Variants in CERKL observed in about 807,000 individuals in gnomAD.
CERKL encodes CERK like autophagy regulator, also known as ceramide kinase-like protein.
A neutral mutation model predicts 63.4 loss-of-function variants in CERKL; 61 were observed. The observed-to-expected ratio is 0.96, with a 90% confidence interval of 0.78 to 1.19. The LOEUF is 1.19. CERKL is among the 50% of genes most tolerant of loss of function. The probability of loss-of-function intolerance (pLI) is 0.00; values close to 1 mark genes in which losing one functional copy is unlikely to be tolerated. For synonymous variants in CERKL, 250 were observed against 230.5 expected (o/e 1.08, Z -0.77); for missense variants, 675 against 655.5 (o/e 1.03, Z -0.33).
At chr2:181,560,734 A>G (rs940578009) in intron 4 of CERKL, among the ~76,000 whole-genome samples, 2 of 152,150 alleles carry the variant, frequency 1.3e-5, no homozygotes, top group Admixed American at 6.6e-5. Context: ...AGAAGCTACA[A>G]TATTATTCAA....
intron 2 of CERKL, among the ~76,000 whole-genome samples, chr2:181,590,405 G>A (rs1232871649): frequency 6.6e-6 from 1 of 151,918 alleles, no homozygotes; most frequent in East Asian, 1.9e-4. Flanking sequence ...CTTCCAAAGT[G>A]CTGGAATTAC....
chr2:181,564,504 A>G (rs946980495), intron 4 of CERKL, among the ~76,000 whole-genome samples: 2 of 152,190 alleles, frequency 1.3e-5, no homozygotes, highest in Non-Finnish European at 2.9e-5. Flanking sequence ...TGAAAAATAA[A>G]TAAGGATTAA....
chr2:181,542,779 G>A (rs1374022758), intron 11 of CERKL, among the ~76,000 whole-genome samples: 2 of 152,078 alleles, frequency 1.3e-5, no homozygotes, highest in Non-Finnish European at 2.9e-5. Context: ...GATAAATCCT[G>A]CATAATATTA....
In CERKL at chr2:181,550,138, C is replaced by T. The variant is rs964129004; in HGVS notation, c.821-430G>A. Among the ~76,000 whole-genome samples, 2 of 152,160 alleles carry T rather than the reference C, an allele frequency of 1.3e-5. No homozygotes were observed. Among genetic ancestry groups the T allele is most frequent in the South Asian group, 2.1e-4 (1 of 4,818 alleles). On this transcript the variant is annotated intron_variant, in intron 5 of 12. Transcript: ENST00000410087. This position sits in a 1 kb window ranked among gnomAD's most constrained non-coding sequence, Gnocchi z 4.5. ...AAAGAGAAAATAATCCAAATAATAA[C>T]TCAGAAAAATAAAATAACTACAAAC...
chr2:181,656,552 G>A (rs1688163790), intron 1 of CERKL, among the ~76,000 whole-genome samples: 1 of 151,940 alleles, frequency 6.6e-6, no homozygotes, highest in Non-Finnish European at 1.5e-5. Context: ...AAGAATCCCT[G>A]GGGGTTCTGG....
At chr2:181,615,870 C>T (rs971558526) in intron 1 of CERKL, among the ~76,000 whole-genome samples, 1 of 152,122 alleles carries the variant, frequency 6.6e-6, no homozygotes, top group African/African-American at 2.4e-5. Flanking sequence ...AGAATTATGA[C>T]ATAACATTTA....
intron 1 of CERKL, 48 bp from the exon 2 acceptor site, chr2:181,604,127 G>A (rs1413321361): frequency 8.0e-6 from 12 of 1,500,872 alleles, no homozygotes; most frequent in Non-Finnish European, 1.0e-5. Context: ...GTTTCATAGA[G>A]AGGAACAACA....
intron 2 of CERKL, among the ~76,000 whole-genome samples, chr2:181,588,331 A>G (rs564435649): frequency 1.3e-5 from 2 of 152,192 alleles, no homozygotes; most frequent in East Asian, 3.9e-4. Context: ...AATTCCACAT[A>G]TAGGAAAGAT....
intron 2 of CERKL, among the ~76,000 whole-genome samples, chr2:181,595,941 G>A (rs1193470049): frequency 4.6e-5 from 7 of 152,246 alleles, no homozygotes; most frequent in African/African-American, 1.4e-4. Context: ...ATAAACATCA[G>A]CTATTATCAT....
Position 181,578,219 on chromosome 2 carries a change from T to TAC in CERKL, c.482-4336_482-4335insGT, listed in dbSNP as rs754974329. 2.5e-3 allele frequency among the ~76,000 whole-genome samples: 384 copies of TAC among 150,954 alleles called. 3 individuals carry two copies. The highest frequency in any genetic ancestry group is 0.013 in the Admixed American group (190 of 15,130). On this transcript the variant is annotated intron_variant, in intron 2 of 12. Coordinates refer to ENST00000410087, the MANE Select transcript of CERKL (RefSeq NM_201548.5). Reference sequence around the variant, plus strand: ...ACACGTATATATATACACACATATATATACACACACACATATATGTGTGTA... The same window carrying TAC: ...ACACGTATATATATACACACATATATACATACACACACACATATATGTGTGTA...
intron 1 of CERKL, 123 bp downstream of exon 1, chr2:181,656,646 G>T: frequency 4.7e-6 from 4 of 852,450 alleles, no homozygotes; most frequent in South Asian, 1.9e-5. Context: ...GCAGTGAGGC[G>T]AGCACGGGGA....
chr2:181,637,134 T>C (rs1377838227), intron 1 of CERKL, among the ~76,000 whole-genome samples: 1 of 152,186 alleles, frequency 6.6e-6, no homozygotes, highest in Non-Finnish European at 1.5e-5. Flanking sequence ...AGTTTGGCAA[T>C]AAACTCTTCT....
intron 4 of CERKL, among the ~76,000 whole-genome samples, chr2:181,561,967 T>C (rs1307963710): frequency 6.6e-6 from 1 of 151,896 alleles, no homozygotes; most frequent in Non-Finnish European, 1.5e-5. Flanking sequence ...GCACACACCA[T>C]CACACCCGGC....
At chr2:181,585,130 A>G (rs11686899) in intron 2 of CERKL, among the ~76,000 whole-genome samples, 47,625 of 151,752 alleles carry the variant, frequency 0.31, 8,632 homozygotes, top group Middle Eastern at 0.42. Context: ...ATTGCCTGGT[A>G]GTACATACCA....
At chr2:181,611,461 C>A (rs1019781423) in intron 1 of CERKL, among the ~76,000 whole-genome samples, 1 of 151,764 alleles carries the variant, frequency 6.6e-6, no homozygotes, top group Non-Finnish European at 1.5e-5. Context: ...GAGTTTGAGA[C>A]CAGCCTGGGC....
At chr2:181,602,408 C>T (rs949025143) in intron 2 of CERKL, among the ~76,000 whole-genome samples, 2 of 152,300 alleles carry the variant, frequency 1.3e-5, no homozygotes, top group Non-Finnish European at 1.5e-5. Context: ...AATCACTTGA[C>T]ATAAATTTCA....
In CERKL at chr2:181,558,451, G is replaced by A; in HGVS notation, c.820+115C>T. 1 of 1,166,250 alleles carries A rather than the reference G, an allele frequency of 8.6e-7. No individual in the cohort carries two copies. Among genetic ancestry groups the A allele is most frequent in the Non-Finnish European group, 1.3e-6 (1 of 787,246 alleles). The allele number at this position is 1,166,250 out of a possible 1,614,324, so 72.2% of individuals were successfully genotyped here. ...ACATTTGCTAGTGGGGATGCCAGAA[G>A]TCTGGATCTTTCAAAGTCTGTTCAT... On this transcript the variant is annotated intron_variant, in intron 5 of 12. Transcript: ENST00000410087. The surrounding 1 kb of genome is among the most constrained non-coding windows in gnomAD (Gnocchi z 4.2).
chr2:181,579,765 A>C (rs747588762), intron 2 of CERKL, among the ~76,000 whole-genome samples: 1 of 151,950 alleles, frequency 6.6e-6, no homozygotes, highest in Non-Finnish European at 1.5e-5. Context: ...TTTTGATAAA[A>C]GGTAAAAAGT....
At chr2:181,621,267 T>A (rs1440630963) in intron 1 of CERKL, among the ~76,000 whole-genome samples, 2 of 152,160 alleles carry the variant, frequency 1.3e-5, no homozygotes, top group Non-Finnish European at 2.9e-5. Context: ...AGGAAAAAAA[T>A]TAAGTCTTAA....
Sources: allele counts gnomAD v4.1 joint callset (sites outside exome capture counted in the v4.1 genomes callset), GRCh38; gene constraint gnomAD v4.1.1; non-coding constraint Gnocchi (gnomAD v3.1); transcripts MANE v1.5; gene names NCBI Gene and HGNC (gene_info 2026-07-23, HGNC 2026-07-21).